Variants in ARMC5 observed in about 807,000 individuals in gnomAD.
ARMC5 encodes the protein armadillo repeat containing 5.
A neutral mutation model predicts 60.5 loss-of-function variants in ARMC5; 28 were observed. That is an observed-to-expected ratio of 0.46 (90% CI 0.34 to 0.63). The LOEUF is 0.63. Ranked by LOEUF, ARMC5 falls within the 30% of genes least tolerant of loss-of-function variation. The pLI, the probability that ARMC5 is intolerant of heterozygous loss-of-function variation, is 0.01. For missense variants in ARMC5, 1,189 were observed against 1,304.9 expected (o/e 0.91, Z 1.37); for synonymous variants, 680 against 607.3 (o/e 1.12, Z -1.76).
chr16:31,458,441 C>T, upstream of ARMC5: 1 of 1,535,734 alleles, frequency 6.5e-7, no homozygotes, highest in South Asian at 1.2e-5. Context: ...CCGGTGTGTA[C>T]CCAGTGGTGC....
At chr16:31,460,044 T>C in intron 1 of ARMC5, 45 bp downstream of exon 1, 15 of 1,583,988 alleles carry the variant, frequency 9.5e-6, no homozygotes, top group Non-Finnish European at 1.3e-5. Context: ...GGTTTGCAAC[T>C]CCCTTGCTCT....
At position 31,464,920 on chromosome 16, in the gene ARMC5, C is replaced by T; in HGVS notation, c.1864+33C>T. 1 of 1,611,222 alleles carries T rather than the reference C, an allele frequency of 6.2e-7. No individual in the cohort carries two copies. The highest frequency in any genetic ancestry group is 8.5e-7 in the Non-Finnish European group (1 of 1,179,622). ...CCCATACCCACCCGTCTCCTTGCCCCCATGTGAGTCCCCATCCTCCCCCAT... is the reference window on the plus strand; with the variant it reads ...CCCATACCCACCCGTCTCCTTGCCCTCATGTGAGTCCCCATCCTCCCCCAT... On this transcript the variant is annotated intron_variant, in intron 4 of 5. Coordinates refer to ENST00000268314, the MANE Select transcript of ARMC5 (RefSeq NM_001105247.2). This position sits in a 1 kb window ranked among gnomAD's most constrained non-coding sequence, Gnocchi z 7.6.
rs751669991 is a variant in ARMC5 at position 31,464,773 on chromosome 16, G to A, written c.1750G>A (p.Val584Met). The A allele has an allele frequency of 1.9e-6, 3 of 1,599,134 alleles. No individual in the cohort carries two copies. The highest frequency in any genetic ancestry group is 1.7e-6 in the Non-Finnish European group (2 of 1,179,206). ...CAACCCTGCCTGCCTCGAGGCCTTC[G>A]TGCGCAGCTATGGCGCGGCGCTGCT... ...TCNPACLEAFVRSYGAALLRA... is the reference protein window; with the variant it reads ...TCNPACLEAFMRSYGAALLRA... The change falls in exon 4 of 6, where the codon GTG becomes ATG. Residue 584 changes from valine to methionine, a missense_variant. This residue lies in a region of ARMC5 where 862 missense variants were observed against 1,071.2 expected (regional missense o/e 0.80). Transcript: ENST00000268314. The surrounding 1 kb of genome is among the most constrained non-coding windows in gnomAD (Gnocchi z 7.6).
Position 31,462,511 on chromosome 16 carries a change from G to A in ARMC5, c.964G>A (p.Gly322Ser). The change falls in exon 3 of 6, where the codon GGT becomes AGT. Residue 322 changes from glycine to serine, a missense_variant. Physicochemically the swap from Gly to Ser is moderately conservative, Grantham distance 56. This residue lies in a region of ARMC5 where 862 missense variants were observed against 1,071.2 expected (regional missense o/e 0.80). Coordinates refer to ENST00000268314, the MANE Select transcript of ARMC5 (RefSeq NM_001105247.2). This position sits in a 1 kb window ranked among gnomAD's most constrained non-coding sequence, Gnocchi z 7.2. ...GATTCGGCCTGCACTGGGCAATGCT[G>A]GTGGCGTGGAGGTGCTGGTAGATGA... ...GLIRPALGNA[G>S]GVEVLVDELR... 6.2e-7 allele frequency: 1 copy of A among 1,611,518 alleles called. No homozygotes were observed.
chr16:31,459,710 G>C lies in ARMC5; in HGVS notation c.186G>C (p.Arg62=). The C allele has an allele frequency of 1.3e-6, 2 of 1,561,698 alleles. No homozygotes were observed. The highest frequency in any genetic ancestry group is 3.6e-4 in the Middle Eastern group (2 of 5,542). Residue 62 remains arginine (R), a synonymous_variant, in exon 1 of 6, where the codon CGG becomes CGC. Coordinates refer to ENST00000268314, the MANE Select transcript of ARMC5 (RefSeq NM_001105247.2). The part of the protein sequence containing the change: ...IKAAGGIERF[R]ARGGLRPLLA... ...CAGCGGGGGGAATCGAGCGCTTCCG[G>C]GCACGCGGCGGGCTCCGCCCCCTAC...
chr16:31,459,285 C>T, upstream of ARMC5: 1 of 1,534,564 alleles, frequency 6.5e-7, no homozygotes, highest in South Asian at 1.2e-5. Context: ...AAGCTCGACG[C>T]GGACCACATC....
In ARMC5 at chr16:31,464,614, C is replaced by T. The variant is rs775560924; in HGVS notation, c.1591C>T (p.Arg531Cys). The T allele has an allele frequency of 6.3e-6, 10 of 1,594,662 alleles. No individual in the cohort carries two copies. The highest frequency in any genetic ancestry group is 2.7e-5 in the African/African-American group (2 of 74,698). The part of the protein sequence containing the change: ...REGPALLLLS[R>C]FSQAPDPSGA... ...AGGGCCAGCCCTGCTGCTGCTGTCG[C>T]GCTTTTCCCAGGCCCCTGACCCAAG... Residue 531 changes from arginine to cysteine, a missense_variant, in exon 4 of 6, where the codon CGC becomes TGC. Arg to Cys is a radical substitution (Grantham distance 180, BLOSUM62 -3). Coordinates refer to ENST00000268314, the MANE Select transcript of ARMC5 (RefSeq NM_001105247.2). The surrounding 1 kb of genome is among the most constrained non-coding windows in gnomAD (Gnocchi z 7.6).
In ARMC5 at chr16:31,464,595, A is replaced by G. The variant is rs1027163816; in HGVS notation, c.1572A>G (p.Pro524=). 2.5e-6 allele frequency: 4 copies of G among 1,588,494 alleles called. No homozygotes were observed. The African/African-American group carries it at 5.4e-5, about 21-fold the overall frequency. The change falls in exon 4 of 6, where the codon CCA becomes CCG. Residue 524 remains proline, a synonymous_variant. Coordinates refer to ENST00000268314, the MANE Select transcript of ARMC5 (RefSeq NM_001105247.2). The surrounding 1 kb of genome is among the most constrained non-coding windows in gnomAD (Gnocchi z 7.6). ...AIEEPWGREG[P]ALLLLSRFSQ... ...AGGAGCCTTGGGGACGCGAAGGGCCAGCCCTGCTGCTGCTGTCGCGCTTTT... is the reference window on the plus strand; with the variant it reads ...AGGAGCCTTGGGGACGCGAAGGGCCGGCCCTGCTGCTGCTGTCGCGCTTTT...
chr16:31,464,214 C>G lies in ARMC5; in HGVS notation c.1371-180C>G, dbSNP rs377547521. Among the ~76,000 whole-genome samples, 26 of 150,162 alleles carry G rather than the reference C, an allele frequency of 1.7e-4. No homozygotes were observed. The East Asian group carries it at 2.2e-3, about 13-fold the overall frequency. ...CTGAGGTGGGAGGATCACTTGAGCT[C>G]AGGAGTTCAAGGCTGCAGTGAGCTA... On this transcript the variant is annotated intron_variant, in intron 3 of 5. Coordinates refer to ENST00000268314, the MANE Select transcript of ARMC5 (RefSeq NM_001105247.2). This position sits in a 1 kb window ranked among gnomAD's most constrained non-coding sequence, Gnocchi z 7.6.
At chr16:31,459,078 G>T (rs953001754), upstream of ARMC5, 1 of 1,492,400 alleles carries the variant, frequency 6.7e-7, no homozygotes, top group African/African-American at 1.4e-5. Context: ...CTCGGAGTCC[G>T]TCCCAAGGCC....
Position 31,466,010 on chromosome 16 carries a change from G to A in ARMC5, c.1997+28G>A. 6.3e-7 allele frequency: 1 copy of A among 1,597,536 alleles called. No homozygotes were observed. Among genetic ancestry groups the A allele is most frequent in the East Asian group, 2.2e-5 (1 of 44,800 alleles). On this transcript the variant is annotated intron_variant, in intron 5 of 5. Transcript: ENST00000268314. This position sits in a 1 kb window ranked among gnomAD's most constrained non-coding sequence, Gnocchi z 8.0. The stretch of plus-strand genomic sequence containing the variant: ...GAGTGGGAAGTGGGTGCCTTGCGGG[G>A]TTGGGGGAGGAGTGCTGTGTTTCCC...
chr16:31,465,825 A>T, intron 4 of ARMC5, 25 bp from the exon 5 acceptor site: 1 of 1,606,690 alleles, frequency 6.2e-7, no homozygotes. Context: ...CCCAGTTCCC[A>T]GCCTGACAAG....
chr16:31,462,858 G>T lies in ARMC5; in HGVS notation c.1311G>T (p.Trp437Cys), dbSNP rs374917944. 3.1e-6 allele frequency: 5 copies of T among 1,613,516 alleles called. No individual in the cohort carries two copies. Among genetic ancestry groups the T allele is most frequent in the East Asian group, 4.5e-5 (2 of 44,888 alleles). Residue 437 changes from tryptophan to cysteine, a missense_variant, in exon 3 of 6, where the codon TGG (tryptophan) becomes TGT (cysteine). Trp to Cys is a radical substitution (Grantham distance 215, BLOSUM62 -2). This residue lies in a region of ARMC5 where 862 missense variants were observed against 1,071.2 expected (regional missense o/e 0.80). Coordinates refer to ENST00000268314, the MANE Select transcript of ARMC5 (RefSeq NM_001105247.2). The surrounding 1 kb of genome is among the most constrained non-coding windows in gnomAD (Gnocchi z 7.2). ...EEEEGREAAS[W>C]DFPEERTPER... ...AAGAGGGAAGAGAAGCTGCTTCCTG[G>T]GACTTTCCTGAGGAGAGGACCCCTG...
upstream of ARMC5, chr16:31,458,755 A>C: frequency 6.7e-7 from 1 of 1,484,826 alleles, no homozygotes. Context: ...CCGGGACGCG[A>C]ATGTCCCGCT....
chr16:31,461,381 T>G (rs2082302317), intron 1 of ARMC5, among the ~76,000 whole-genome samples: 1 of 152,204 alleles, frequency 6.6e-6, no homozygotes, highest in Admixed American at 6.5e-5. Context: ...ACAGACACTG[T>G]ATCTTACCTC....
At position 31,466,739 on chromosome 16, in the gene ARMC5, C is replaced by G; in HGVS notation, c.2658C>G (p.Arg886=). ...CCCGGCTGGCTGCCCACTGTGCCCG[C>G]TGGACACTGGGGTCAGAGCAGTGCC... The part of the protein sequence containing the change: ...GRPRLAAHCA[R]WTLGSEQCPR... The change falls in exon 6 of 6, where the codon CGC becomes CGG. Residue 886 remains arginine, a synonymous_variant. Coordinates refer to ENST00000268314, the MANE Select transcript of ARMC5 (RefSeq NM_001105247.2). The surrounding 1 kb of genome is among the most constrained non-coding windows in gnomAD (Gnocchi z 8.0). 1 of 1,564,596 alleles carries G rather than the reference C, an allele frequency of 6.4e-7. No homozygotes were observed. Among genetic ancestry groups the G allele is most frequent in the African/African-American group, 1.3e-5 (1 of 74,074 alleles).
chr16:31,465,456 C>G (rs1022966104), intron 4 of ARMC5: 15 of 930,532 alleles, frequency 1.6e-5, no homozygotes. Context: ...GATTATAGAG[C>G]GAGGATTATT....
rs6565232 is a variant in ARMC5 at position 31,464,094 on chromosome 16, C to T, written c.1371-300C>T. On this transcript the variant is annotated intron_variant, in intron 3 of 5. Transcript: ENST00000268314. This position sits in a 1 kb window ranked among gnomAD's most constrained non-coding sequence, Gnocchi z 7.6. ...TCGCTTGAGCACAGGAGTCCGAGAC[C>T]AGCCTGGGCAACATAGCGAGACCCA... is the stretch of plus-strand genomic sequence containing the variant. Among the ~76,000 whole-genome samples the T allele has an allele frequency of 6.4e-3, 969 of 152,114 alleles. 17 individuals carry two copies. The highest frequency in any genetic ancestry group is 0.022 in the African/African-American group (929 of 41,490).
rs1015882305 is a variant in ARMC5, at chr16:31,460,008, T to G, written c.475+9T>G. The G allele has an allele frequency of 6.3e-7, 1 of 1,593,822 alleles. No homozygotes were observed. Among genetic ancestry groups the G allele is most frequent in the Non-Finnish European group, 8.5e-7 (1 of 1,177,380 alleles). ...AGGCATACTCCCTTTGGGTAAGTGC[T>G]CCGCCCCCGTTTCCTAGAAAGATTA... On this transcript the variant is annotated intron_variant, in intron 1 of 5. Transcript: ENST00000268314.
Sources: gnomAD v4.1 joint callset for allele counts (sites outside exome capture counted in the v4.1 genomes callset) on GRCh38, gnomAD v4.1.1 for gene constraint, gnomAD v4.1.1 regional missense constraint, Gnocchi (gnomAD v3.1) non-coding constraint, MANE v1.5 for transcripts, NCBI Gene and HGNC (gene_info 2026-07-23, HGNC 2026-07-21) for gene names.